Variants in RAB28 observed in about 807,000 individuals in gnomAD.
RAB28 encodes ras-related protein Rab-28.
Under a neutral mutation model 31.7 loss-of-function variants are expected in RAB28, and 24 were observed. That is an observed-to-expected ratio of 0.76 (90% CI 0.55 to 1.06). The LOEUF (loss-of-function observed/expected upper bound fraction) is 1.06. RAB28 is among the 50% of genes least tolerant of loss of function. The probability of loss-of-function intolerance (pLI) is 0.00; values close to 1 mark genes in which losing one functional copy is unlikely to be tolerated. For missense variants in RAB28, 254 were observed against 258.5 expected, an observed-to-expected ratio of 0.98 and a Z score of 0.12; for synonymous variants, 100 against 90.4, an observed-to-expected ratio of 1.11 and a Z score of -0.60.
intron 4 of RAB28, among the ~76,000 whole-genome samples, chr4:13,445,938 A>G (rs1424203063): frequency 2.0e-5 from 3 of 152,196 alleles, no homozygotes; most frequent in Non-Finnish European, 4.4e-5. Context: ...GCCAGCAGGC[A>G]GGAAAGATTA....
chr4:13,449,803 G>A (rs569808192), intron 4 of RAB28, among the ~76,000 whole-genome samples: 78 of 151,788 alleles, frequency 5.1e-4, no homozygotes, highest in African/African-American at 1.7e-3. Context: ...ACAAGTTACC[G>A]ATAACCACCA....
Position 13,368,283 on chromosome 4 carries a change from C to A in RAB28, c.*275G>T. 9.3e-7 allele frequency: 1 copy of A among 1,080,910 alleles called. No individual in the cohort carries two copies. The highest frequency in any genetic ancestry group is 1.1e-6 in the Non-Finnish European group (1 of 892,526). The allele number at this position is 1,080,910 out of a possible 1,614,324, so 67.0% of individuals were successfully genotyped here. The stretch of plus-strand genomic sequence containing the variant: ...CAATGAAAAAAGAAGCAAGGACATA[C>A]AAAGAAACAACATCATTCTTTTGCA... On this transcript the variant is annotated 3_prime_UTR_variant, in exon 7 of 7. Transcript: ENST00000330852.
At chr4:13,458,684 A>C (rs922482025) in intron 4 of RAB28, among the ~76,000 whole-genome samples, 1 of 152,226 alleles carries the variant, frequency 6.6e-6, no homozygotes, top group Admixed American at 6.5e-5. Flanking sequence ...TAAGATTATA[A>C]TGGAGCTTTT....
chr4:13,388,088 G>T (rs1408662712), intron 4 of RAB28, among the ~76,000 whole-genome samples: 1 of 151,938 alleles, frequency 6.6e-6, no homozygotes, highest in East Asian at 1.9e-4. Context: ...TAACATCTCT[G>T]CTTTCAGACA....
chr4:13,383,348 G>C (rs1426838395), intron 4 of RAB28, among the ~76,000 whole-genome samples: 7 of 151,920 alleles, frequency 4.6e-5, no homozygotes, highest in Non-Finnish European at 1.5e-5. Flanking sequence ...TTTTCTAATG[G>C]TTTATTGCTT....
rs745321061 is a variant in RAB28 at position 13,484,190 on chromosome 4, G to A, written c.-40C>T. The A allele has an allele frequency of 9.8e-6, 15 of 1,524,714 alleles. No homozygotes were observed. Among genetic ancestry groups the A allele is most frequent in the South Asian group, 2.4e-5 (2 of 84,128 alleles). 94.4% of individuals were successfully genotyped at this position (1,524,714 alleles called of 1,614,324 possible). On this transcript the variant is annotated 5_prime_UTR_variant, in exon 1 of 7. Coordinates refer to ENST00000330852, the MANE Select transcript of RAB28 (RefSeq NM_001017979.3). ...CAGGCCCGCCCCTCGAGGTGGGGGG[G>A]GAAGGGAAGGATGAAGGCTCCGGGG...
intron 5 of RAB28, among the ~76,000 whole-genome samples, chr4:13,379,310 T>A (rs1031946048): frequency 1.3e-5 from 2 of 150,622 alleles, no homozygotes; most frequent in African/African-American, 2.4e-5. Context: ...CACTTGAGAT[T>A]AGTGATTGTG....
intron 5 of RAB28, among the ~76,000 whole-genome samples, chr4:13,378,002 C>A (rs377125900): frequency 9.9e-5 from 15 of 152,124 alleles, no homozygotes; most frequent in African/African-American, 3.4e-4. Flanking sequence ...CAGTTCTAAA[C>A]ATGTTAAATT....
At position 13,368,549 on chromosome 4, in the gene RAB28, A is replaced by C. The variant is rs1577142345; in HGVS notation, c.*9T>G. On this transcript the variant is annotated 3_prime_UTR_variant, in exon 7 of 7. Transcript: ENST00000330852. ...CAGCCAGAACTATCAACACAAAAGA[A>C]AAATGCGCTCACTGAACTGCACACA... 6.2e-7 allele frequency: 1 copy of C among 1,603,502 alleles called. No individual in the cohort carries two copies. The highest frequency in any genetic ancestry group is 1.3e-5 in the African/African-American group (1 of 74,092).
chr4:13,378,935 G>C (rs1729023387), intron 5 of RAB28, among the ~76,000 whole-genome samples: 1 of 152,084 alleles, frequency 6.6e-6, no homozygotes. Context: ...CATCGGCCTG[G>C]TGCATTGGCT....
chr4:13,454,828 T>C (rs1277492747), intron 4 of RAB28, among the ~76,000 whole-genome samples: 1 of 152,076 alleles, frequency 6.6e-6, no homozygotes, highest in African/African-American at 2.4e-5. Flanking sequence ...CCAAGGACTG[T>C]TTCTAAGGTC....
intron 1 of RAB28, among the ~76,000 whole-genome samples, chr4:13,482,460 T>A (rs376492133): frequency 6.6e-6 from 1 of 152,256 alleles, no homozygotes; most frequent in East Asian, 1.9e-4. Flanking sequence ...TCATTTTAAA[T>A]GGGAAATAAG....
chr4:13,450,128 C>T (rs1714886598), intron 4 of RAB28, among the ~76,000 whole-genome samples: 1 of 151,750 alleles, frequency 6.6e-6, no homozygotes, highest in Middle Eastern at 3.4e-3. Context: ...TTGCCTGAAA[C>T]ACTGAAAAAT....
chr4:13,378,140 AAG>A (rs1415788248), intron 5 of RAB28, among the ~76,000 whole-genome samples: 7 of 152,206 alleles, frequency 4.6e-5, no homozygotes, highest in Non-Finnish European at 8.8e-5. Flanking sequence ...AGTGTAGAAA[AAG>A]AGATTATCAA....
intron 4 of RAB28, among the ~76,000 whole-genome samples, chr4:13,417,971 C>T (rs889403241): frequency 1.4e-4 from 22 of 152,078 alleles, no homozygotes; most frequent in Admixed American, 1.2e-3. Flanking sequence ...GGAGGATGTT[C>T]GAGCCCCTCG....
chr4:13,455,129 CTG>C (rs1258079699), intron 4 of RAB28, among the ~76,000 whole-genome samples: 1 of 152,182 alleles, frequency 6.6e-6, no homozygotes, highest in Non-Finnish European at 1.5e-5. Flanking sequence ...GCCTATGGAG[CTG>C]TTTCTCAGGC....
intron 4 of RAB28, among the ~76,000 whole-genome samples, chr4:13,388,947 G>A (rs1478830632): frequency 6.6e-6 from 1 of 151,936 alleles, no homozygotes; most frequent in Non-Finnish European, 1.5e-5. Context: ...CCAACTTCTG[G>A]GTATATATCC....
At chr4:13,407,926 G>C (rs1399717782) in intron 4 of RAB28, among the ~76,000 whole-genome samples, 1 of 152,164 alleles carries the variant, frequency 6.6e-6, no homozygotes, top group Admixed American at 6.5e-5. Flanking sequence ...CTGAGATGAT[G>C]GGGTTTTCTA....
At chr4:13,395,208 T>C (rs1560275467) in intron 4 of RAB28, among the ~76,000 whole-genome samples, 1 of 152,188 alleles carries the variant, frequency 6.6e-6, no homozygotes, top group Non-Finnish European at 1.5e-5. Flanking sequence ...CACTATGATA[T>C]AGCTGGTTTT....
Sources: allele counts gnomAD v4.1 joint callset (sites outside exome capture counted in the v4.1 genomes callset), GRCh38; gene constraint gnomAD v4.1.1; transcripts MANE v1.5; gene names NCBI Gene and HGNC (gene_info 2026-07-23, HGNC 2026-07-21).